Variants in ZNF41 observed in about 807,000 individuals in gnomAD.
The protein encoded by ZNF41 is zinc finger protein 41.
ZNF41 carries 6 observed loss-of-function variants against 9.3 expected under a neutral mutation model. The observed-to-expected ratio is 0.65, with a 90% CI of 0.35 to 1.28. The LOEUF (loss-of-function observed/expected upper bound fraction) is 1.28. Among genes scored for constraint, ZNF41 ranks in the 50% most tolerant of loss-of-function variants. The probability of loss-of-function intolerance (pLI) is 0.03; values close to 1 mark genes in which losing one functional copy is unlikely to be tolerated. For synonymous variants in ZNF41, 192 were observed against 207.1 expected (o/e 0.93, Z 0.63); for missense variants, 523 against 585.8 (o/e 0.89, Z 1.11).
Position 47,449,373 on chromosome X carries a change from T to C in ZNF41, c.397A>G (p.Ile133Val). 8.3e-7 allele frequency: 1 copy of C among 1,211,577 alleles called. No individual in the cohort carries two copies. Among genetic ancestry groups the C allele is most frequent in the African/African-American group, 1.7e-5 (1 of 57,813 alleles). ...QPIGEDSLCSILEELWQDNDQ... is the reference protein window; with the variant it reads ...QPIGEDSLCSVLEELWQDNDQ... ...TTATCTTGCCACAGTTCTTCTAAAA[T>C]AGAACATAATGAATCTTCTCCTATG... The change falls in exon 5 of 5, where the codon ATT (isoleucine) becomes GTT (valine). Residue 133 changes from isoleucine to valine, a missense_variant. By Grantham distance (29) the Ile-to-Val change is conservative (BLOSUM62 3). Coordinates refer to ENST00000684689, the MANE Select transcript of ZNF41 (RefSeq NM_001324144.2).
chrX:47,464,564 A>G (rs1352928988), intron 2 of ZNF41, among the ~76,000 whole-genome samples: 1 of 112,027 alleles, frequency 8.9e-6, no homozygotes, highest in Non-Finnish European at 1.9e-5. Flanking sequence ...TATTCCCCCC[A>G]GGGTCTCGGT....
chrX:47,447,424 A>G lies in ZNF41; in HGVS notation c.*6T>C. ...ACCCAGTTGTGATTTCCAGGTGAAG[A>G]CTTTCTCAGTCACTGGCTTTATAGC... On this transcript the variant is annotated 3_prime_UTR_variant, in exon 5 of 5. Transcript: ENST00000684689. 8.3e-7 allele frequency: 1 copy of G among 1,209,896 alleles called. No individual in the cohort carries two copies. Among genetic ancestry groups the G allele is most frequent in the African/African-American group, 1.7e-5 (1 of 57,673 alleles).
intron 1 of ZNF41, among the ~76,000 whole-genome samples, chrX:47,472,888 A>T (rs1233134836): frequency 9.2e-6 from 1 of 109,167 alleles, no homozygotes; most frequent in Non-Finnish European, 1.9e-5. Context: ...ACGCCTGGCT[A>T]ATTTTTACAT....
intron 2 of ZNF41, among the ~76,000 whole-genome samples, chrX:47,459,552 G>A (rs886477878): frequency 1.1e-4 from 12 of 108,155 alleles, no homozygotes; most frequent in African/African-American, 3.7e-4. Flanking sequence ...AGACCAGCCT[G>A]GACAACATGG....
At chrX:47,452,315 T>C (rs2056399485) in intron 4 of ZNF41, among the ~76,000 whole-genome samples, 1 of 109,140 alleles carries the variant, frequency 9.2e-6, no homozygotes, top group Non-Finnish European at 1.9e-5. Flanking sequence ...GCCCCCGCAG[T>C]GCTGTACAGT....
intron 2 of ZNF41, among the ~76,000 whole-genome samples, chrX:47,465,808 G>T (rs1020126417): frequency 3.6e-5 from 4 of 110,838 alleles, no homozygotes; most frequent in African/African-American, 9.9e-5. Flanking sequence ...CTGCCTCAGA[G>T]AAAAAACATT....
At chrX:47,463,368 G>A in intron 2 of ZNF41, among the ~76,000 whole-genome samples, 1 of 110,847 alleles carries the variant, frequency 9.0e-6, no homozygotes, top group East Asian at 2.9e-4. Flanking sequence ...AGTTTGCCCA[G>A]GAATGTTCCT....
intron 1 of ZNF41, among the ~76,000 whole-genome samples, chrX:47,477,837 A>C (rs2057375580): frequency 8.9e-6 from 1 of 112,099 alleles, no homozygotes; most frequent in African/African-American, 3.2e-5. Context: ...CAGTCATTCC[A>C]CTCCTGGGTA....
chrX:47,467,764 C>T lies in ZNF41; in HGVS notation c.-279-4G>A, dbSNP rs1335658778. ...GGGCCGCTCACTGTGCTGGATGCTG[C>T]GGAAGAGAAAAGTTCGGTAAAACCC... On this transcript the variant is annotated splice_region_variant and splice_polypyrimidine_tract_variant and intron_variant, in intron 1 of 4. Coordinates refer to ENST00000684689, the MANE Select transcript of ZNF41 (RefSeq NM_001324144.2). 2.7e-5 allele frequency: 10 copies of T among 367,946 alleles called. No individual in the cohort carries two copies. The East Asian group carries it at 2.7e-4, about 10-fold the overall frequency. 30.3% of individuals were successfully genotyped at this position (367,946 alleles called of 1,213,427 possible).
At position 47,448,089 on chromosome X, in the gene ZNF41, TG is replaced by T. The variant is rs770879850; in HGVS notation, c.1680del (p.Phe560LeufsTer35). On this transcript the variant is annotated frameshift_variant, in exon 5 of 5. Transcript: ENST00000684689. LOFTEE classifies it low-confidence loss of function (END_TRUNC). ...PYKCNGCGKA[F>X]IWKSRLKIHQ... ...TGTATTTTGAGGCGCGACTTCCATA[TG>T]AAGGCTTTTCCACAGCCATTGCACT... 22 of 1,209,972 alleles carry T rather than the reference TG, an allele frequency of 1.8e-5. No individual in the cohort carries two copies. The highest frequency in any genetic ancestry group is 1.7e-5 in the African/African-American group (1 of 57,247).
At chrX:47,464,572 G>T (rs966388610) in intron 2 of ZNF41, among the ~76,000 whole-genome samples, 1 of 111,889 alleles carries the variant, frequency 8.9e-6, no homozygotes, top group South Asian at 3.7e-4. Context: ...CCAGGGTCTC[G>T]GTCATTTCCA....
Position 47,460,841 on chromosome X carries a change from C to G in ZNF41, c.73-4443G>C, listed in dbSNP as rs771872332. Among the ~76,000 whole-genome samples the G allele has an allele frequency of 4.1e-3, 458 of 111,253 alleles. 2 individuals carry two copies. Among genetic ancestry groups the G allele is most frequent in the African/African-American group, 0.014 (442 of 30,687 alleles). On this transcript the variant is annotated intron_variant, in intron 2 of 4. Coordinates refer to ENST00000684689, the MANE Select transcript of ZNF41 (RefSeq NM_001324144.2). ...AACTGTGCTGGAAAGTATTTTGGCC[C>G]TAACTGGTAATGTTGAAGACATGCA...
intron 1 of ZNF41, among the ~76,000 whole-genome samples, chrX:47,476,063 A>G (rs758568963): frequency 8.9e-6 from 1 of 111,739 alleles, no homozygotes; most frequent in Non-Finnish European, 1.9e-5. Flanking sequence ...GAAAAGGCAC[A>G]GAGGCTGGGC....
At chrX:47,464,572 G>A (rs966388610) in intron 2 of ZNF41, among the ~76,000 whole-genome samples, 11 of 111,940 alleles carry the variant, frequency 9.8e-5, no homozygotes, top group Middle Eastern at 4.6e-3. Context: ...CCAGGGTCTC[G>A]GTCATTTCCA....
intron 1 of ZNF41, among the ~76,000 whole-genome samples, chrX:47,469,377 A>G (rs1463093112): frequency 1.4e-4 from 15 of 107,333 alleles, no homozygotes; most frequent in African/African-American, 5.1e-4. Context: ...CATTTCTAGC[A>G]TTTTATGCCA....
At chrX:47,472,635 C>A in intron 1 of ZNF41, among the ~76,000 whole-genome samples, 1 of 109,780 alleles carries the variant, frequency 9.1e-6, no homozygotes, top group Non-Finnish European at 1.9e-5. Flanking sequence ...GATGGGGTTT[C>A]GCCATGTTGG....
At chrX:47,482,091 C>T (rs1355872537) in intron 1 of ZNF41, among the ~76,000 whole-genome samples, 1 of 109,322 alleles carries the variant, frequency 9.1e-6, no homozygotes, top group East Asian at 2.9e-4. Context: ...CCCGCACAGC[C>T]CTTTCTTACC....
rs375377277 is a variant in ZNF41 at position 47,449,370 on chromosome X, A to C, written c.400T>G (p.Leu134Val). Residue 134 changes from leucine to valine, a missense_variant, in exon 5 of 5, where the codon TTA becomes GTA. By Grantham distance (32) the Leu-to-Val change is conservative. Transcript: ENST00000684689. The stretch of plus-strand genomic sequence containing the variant: ...TCATTATCTTGCCACAGTTCTTCTA[A>C]AATAGAACATAATGAATCTTCTCCT... ...PIGEDSLCSI[L>V]EELWQDNDQL... 3.3e-6 allele frequency: 4 copies of C among 1,211,665 alleles called. No individual in the cohort carries two copies. Among genetic ancestry groups the C allele is most frequent in the Non-Finnish European group, 4.5e-6 (4 of 895,421 alleles).
chrX:47,449,591 T>C (rs775015715), intron 4 of ZNF41, 117 bp from the exon 5 acceptor site: 18 of 800,726 alleles, frequency 2.2e-5, no homozygotes, highest in Non-Finnish European at 2.8e-5. Context: ...TAGGACAATA[T>C]AGTAGTAATA....
Sources: gnomAD v4.1 joint callset for allele counts (sites outside exome capture counted in the v4.1 genomes callset) on GRCh38, gnomAD v4.1.1 for gene constraint, MANE v1.5 for transcripts, NCBI Gene and HGNC (gene_info 2026-07-23, HGNC 2026-07-21) for gene names.